The following ROS1 variants were observed in gnomAD, a reference collection of about 807,000 sequenced individuals.
ROS1 encodes ROS proto-oncogene 1, receptor tyrosine kinase.
Under a neutral mutation model 273.5 loss-of-function variants are expected in ROS1, and 263 were observed. The ratio of observed to expected loss-of-function variants is 0.96; its 90% CI spans 0.87 to 1.06. The LOEUF (loss-of-function observed/expected upper bound fraction) is 1.06, where lower values mean the gene tolerates loss of function less well. Among genes scored for constraint, ROS1 ranks in the 50% least tolerant of loss-of-function variants. ROS1 has a pLI of 0.00. For missense variants in ROS1, 2,833 were observed against 2,751.1 expected (o/e 1.03, Z -0.67); for synonymous variants, 1,008 against 954.1 (o/e 1.06, Z -1.04).
At position 117,389,793 on chromosome 6, in the gene ROS1, G is replaced by C. The variant is rs1447587100; in HGVS notation, c.1343C>G (p.Pro448Arg). Residue 448 changes from proline to arginine, a missense_variant, in exon 13 of 44, where the codon CCA becomes CGA. Transcript: ENST00000368507. ...CACAGCTTCTGCACACCGGCCAGATGGTACAGGAAGGTCTGCTCTATAAAT... is the reference window on the plus strand; with the variant it reads ...CACAGCTTCTGCACACCGGCCAGATCGTACAGGAAGGTCTGCTCTATAAAT... ...DGIYRADLPVPSGRCAEAVRI... is the reference protein window; with the variant it reads ...DGIYRADLPVRSGRCAEAVRI... 6.2e-7 allele frequency: 1 copy of C among 1,613,836 alleles called. No individual in the cohort carries two copies. Among genetic ancestry groups the C allele is most frequent in the Non-Finnish European group, 8.5e-7 (1 of 1,179,790 alleles).
chr6:117,301,298 G>A (rs922455628), intron 42 of ROS1, among the ~76,000 whole-genome samples, 161 bp from the exon 43 acceptor site: 1 of 152,208 alleles, frequency 6.6e-6, no homozygotes, highest in African/African-American at 2.4e-5. Context: ...TTATTTAAGA[G>A]TGGCTTTTAA....
rs77371462 is a variant in ROS1 at position 117,395,386 on chromosome 6, T to C, written c.884-648A>G. ...CATAACAAAAATACCTCTCCTTTCCTAGAGTCTAGGAACAGCCAAAAAAAC... is the reference window on the plus strand; with the variant it reads ...CATAACAAAAATACCTCTCCTTTCCCAGAGTCTAGGAACAGCCAAAAAAAC... On this transcript the variant is annotated intron_variant, in intron 9 of 43. Transcript: ENST00000368507. 5.6e-3 allele frequency among the ~76,000 whole-genome samples: 860 copies of C among 152,216 alleles called. 23 individuals carry two copies. The highest frequency in any genetic ancestry group is 0.042 in the East Asian group (215 of 5,172).
At chr6:117,412,588 G>T (rs1314138134) in intron 4 of ROS1, among the ~76,000 whole-genome samples, 1 of 133,672 alleles carries the variant, frequency 7.5e-6, no homozygotes, top group Admixed American at 7.3e-5. Context: ...AGATAGATAG[G>T]TACATAGATA....
intron 12 of ROS1, among the ~76,000 whole-genome samples, chr6:117,390,251 C>G (rs1772955036): frequency 1.3e-5 from 2 of 152,138 alleles, no homozygotes; most frequent in South Asian, 4.1e-4. Flanking sequence ...ACCTCAGTAT[C>G]CCATGTAGCT....
Position 117,366,256 on chromosome 6 carries a change from A to G in ROS1, c.2617T>C (p.Trp873Arg), listed in dbSNP as rs776486332. The change falls in exon 19 of 44, where the codon TGG (tryptophan) becomes CGG (arginine). Residue 873 changes from tryptophan (W) to arginine (R), a missense_variant. Transcript: ENST00000368507. ...GDTTITEFAA[W>R]STSEISQNAL... ...TTCTGGGAAATTTCAGAAGTACTCCAGGCTGCAAATTCTGTGATGGTGGTA... is the reference window on the plus strand; with the variant it reads ...TTCTGGGAAATTTCAGAAGTACTCCGGGCTGCAAATTCTGTGATGGTGGTA... 7.4e-6 allele frequency: 12 copies of G among 1,614,114 alleles called. No homozygotes were observed. In the South Asian group the frequency reaches 1.1e-4, roughly 15 times the overall value.
Position 117,310,263 on chromosome 6 carries a change from AT to A in ROS1, c.6233del (p.Asn2078IlefsTer6), listed in dbSNP as rs756050628. ...HFIHRDLAAR[N>X]CLVSVKDYTS... The stretch of plus-strand genomic sequence containing the variant: ...TATAGTCTTTCACGGAAACAAGGCA[AT>A]TTCTAGCTGCCAGATCCCTGTGGCA... On this transcript the variant is annotated frameshift_variant, in exon 41 of 44. Coordinates refer to ENST00000368507, the MANE Select transcript of ROS1 (RefSeq NM_001378902.1). LOFTEE classifies it high-confidence loss of function. 1.6e-5 allele frequency: 26 copies of A among 1,609,116 alleles called. No homozygotes were observed. Among genetic ancestry groups the A allele is most frequent in the Middle Eastern group, 3.3e-4 (2 of 6,014 alleles).
In ROS1 at chr6:117,389,368, C is replaced by T. The variant is rs773651108; in HGVS notation, c.1768G>A (p.Ala590Thr). The T allele has an allele frequency of 2.5e-6, 4 of 1,613,626 alleles. No individual in the cohort carries two copies. The African/African-American group carries it at 4.0e-5, about 16-fold the overall frequency. ...CACTCACTGGCTCCTATGGCAAGGG[C>T]AGGAGGCTTCCATTGAACAAGAGCC... ...HQALVQWKPP[A>T]LAIGASPSAW... The change falls in exon 13 of 44, where the codon GCC becomes ACC. Residue 590 changes from alanine (A) to threonine (T), a missense_variant. Transcript: ENST00000368507.
chr6:117,363,626 C>G (rs928995889), intron 21 of ROS1, among the ~76,000 whole-genome samples: 4 of 152,124 alleles, frequency 2.6e-5, no homozygotes, highest in Admixed American at 1.3e-4. Flanking sequence ...CATTAGGCTT[C>G]TCTTCTCACA....
intron 7 of ROS1, among the ~76,000 whole-genome samples, chr6:117,402,533 C>A (rs1334257223): frequency 6.6e-6 from 1 of 152,178 alleles, no homozygotes; most frequent in African/African-American, 2.4e-5. Context: ...CAGCACCATC[C>A]CACTTACAAT....
intron 26 of ROS1, among the ~76,000 whole-genome samples, chr6:117,355,080 A>G (rs1266676799): frequency 6.6e-6 from 1 of 152,230 alleles, no homozygotes; most frequent in East Asian, 1.9e-4. Flanking sequence ...TTGATCAGGT[A>G]TCAGTGGTAG....
At position 117,383,654 on chromosome 6, in the gene ROS1, G is replaced by A. The variant is rs1205789422; in HGVS notation, c.2290-146C>T. On this transcript the variant is annotated intron_variant, in intron 16 of 43. Transcript: ENST00000368507. ...TGATTGGCACTATGTGCTGGGTAGT[G>A]TAATAAGCCTTGGAAACACAGCAAC... The A allele has an allele frequency of 5.9e-6, 4 of 675,786 alleles. No individual in the cohort carries two copies. In the East Asian group the frequency reaches 1.1e-4, roughly 18 times the overall value. 41.9% of individuals were successfully genotyped at this position (675,786 alleles called of 1,614,324 possible). A position where few individuals can be genotyped will look rare whatever the true frequency, so the allele number is the denominator to read the frequency against.
chr6:117,289,037 G>A (rs1773636163), intron 43 of ROS1, among the ~76,000 whole-genome samples: 1 of 152,114 alleles, frequency 6.6e-6, no homozygotes, highest in South Asian at 2.1e-4. Flanking sequence ...GTATATATAT[G>A]TCACCTATAG....
At chr6:117,400,048 A>G (rs4946252) in intron 7 of ROS1, among the ~76,000 whole-genome samples, 10,054 of 152,218 alleles carry the variant, frequency 0.066, 481 homozygotes, top group East Asian at 0.15. Flanking sequence ...CTGCCTTCCC[A>G]GTGTTATTCT....
At chr6:117,291,050 A>G (rs1490309464) in intron 43 of ROS1, among the ~76,000 whole-genome samples, 1 of 152,176 alleles carries the variant, frequency 6.6e-6, no homozygotes. Context: ...GCAGATATGC[A>G]AACTCCGCCT....
intron 31 of ROS1, among the ~76,000 whole-genome samples, chr6:117,340,551 G>C (rs532708575): frequency 2.0e-5 from 3 of 152,222 alleles, no homozygotes; most frequent in Non-Finnish European, 2.9e-5. Context: ...CACCATAAAA[G>C]TCAATGTAGG....
intron 4 of ROS1, among the ~76,000 whole-genome samples, chr6:117,412,985 G>T (rs1472861968): frequency 6.6e-6 from 1 of 151,920 alleles, no homozygotes; most frequent in Non-Finnish European, 1.5e-5. Flanking sequence ...AGAGACCTTT[G>T]TCTCTTTACA....
chr6:117,298,662 G>T (rs112565047), intron 43 of ROS1, among the ~76,000 whole-genome samples: 1 of 152,148 alleles, frequency 6.6e-6, no homozygotes, highest in Non-Finnish European at 1.5e-5. Flanking sequence ...GTAGTCTTAT[G>T]ACAAGGACAA....
At chr6:117,340,473 T>C (rs781129262) in intron 31 of ROS1, among the ~76,000 whole-genome samples, 1 of 152,178 alleles carries the variant, frequency 6.6e-6, no homozygotes, top group Non-Finnish European at 1.5e-5. Context: ...AACATGCACA[T>C]GCACATATAT....
At chr6:117,288,867 G>A (rs2128521565) in intron 43 of ROS1, 65 bp from the exon 44 acceptor site, 2 of 1,301,018 alleles carry the variant, frequency 1.5e-6, no homozygotes, top group Non-Finnish European at 2.1e-6. Context: ...TAATATACAA[G>A]CTATATCAGA....
Sources: gnomAD v4.1 joint callset for allele counts (sites outside exome capture counted in the v4.1 genomes callset) on GRCh38, gnomAD v4.1.1 for gene constraint, MANE v1.5 for transcripts, NCBI Gene and HGNC (gene_info 2026-07-23, HGNC 2026-07-21) for gene names.